Variants in OSGEPL1 observed in about 807,000 individuals in gnomAD.
The protein encoded by OSGEPL1 is tRNA N6-adenosine threonylcarbamoyltransferase, mitochondrial.
A neutral mutation model predicts 37.2 loss-of-function variants in OSGEPL1; 26 were observed. The observed-to-expected ratio is 0.70, with a 90% CI of 0.51 to 0.97. The LOEUF (loss-of-function observed/expected upper bound fraction) is 0.97. Ranked by LOEUF, OSGEPL1 falls within the 50% of genes least tolerant of loss-of-function variation. OSGEPL1 has a pLI of 0.00. For missense variants in OSGEPL1, 404 were observed against 487.0 expected (o/e 0.83, Z 1.60); for synonymous variants, 140 against 159.9 (o/e 0.88, Z 0.94).
intron 8 of OSGEPL1, among the ~76,000 whole-genome samples, chr2:189,749,244 T>TTAA (rs757098359): frequency 3.2e-5 from 2 of 63,254 alleles, no homozygotes; most frequent in Non-Finnish European, 5.4e-5. Context: ...AGACTCTGTC[T>TTAA]AAAAAAAAAA....
Position 189,746,765 on chromosome 2 carries a change from C to A in OSGEPL1, c.*432G>T. ...TTGATCTCGATACTAAGCAGATTTT[C>A]CTTAGCATGTCTACAGGAATTTAGT... On this transcript the variant is annotated 3_prime_UTR_variant, in exon 9 of 9. Coordinates refer to ENST00000264151, the MANE Select transcript of OSGEPL1 (RefSeq NM_022353.3). 1 of 989,954 alleles carries A rather than the reference C, an allele frequency of 1.0e-6. No individual in the cohort carries two copies. The highest frequency in any genetic ancestry group is 1.4e-6 in the Non-Finnish European group (1 of 710,660). 61.3% of individuals were successfully genotyped at this position (989,954 alleles called of 1,614,324 possible). A position where few individuals can be genotyped will look rare whatever the true frequency, so the allele number is the denominator to read the frequency against.
Position 189,754,358 on chromosome 2 carries a change from C to T in OSGEPL1, c.610-13G>A, listed in dbSNP as rs1439102677. 6.3e-7 allele frequency: 1 copy of T among 1,581,112 alleles called. No homozygotes were observed. Among genetic ancestry groups the T allele is most frequent in the Non-Finnish European group, 8.6e-7 (1 of 1,163,848 alleles). On this transcript the variant is annotated splice_polypyrimidine_tract_variant and intron_variant, in intron 3 of 8. Coordinates refer to ENST00000264151, the MANE Select transcript of OSGEPL1 (RefSeq NM_022353.3). ...GTCTTCTTGCCACCTATCAAAGAAACATATTTTTTAGAGTCATAAAATTAA... is the reference window on the plus strand; with the variant it reads ...GTCTTCTTGCCACCTATCAAAGAAATATATTTTTTAGAGTCATAAAATTAA...
intron 2 of OSGEPL1, among the ~76,000 whole-genome samples, chr2:189,757,368 A>G (rs1252698958): frequency 6.6e-6 from 1 of 152,212 alleles, no homozygotes; most frequent in Non-Finnish European, 1.5e-5. Context: ...GTAATCCTCT[A>G]TTATTGCATT....
chr2:189,753,024 G>A, intron 5 of OSGEPL1, 45 bp from the exon 6 acceptor site: 1 of 1,513,962 alleles, frequency 6.6e-7, no homozygotes, highest in Non-Finnish European at 8.9e-7. Context: ...ATATGGATAT[G>A]AACCAAGCTG....
At chr2:189,751,867 C>T (rs577702194) in intron 7 of OSGEPL1, among the ~76,000 whole-genome samples, 2 of 151,628 alleles carry the variant, frequency 1.3e-5, no homozygotes, top group African/African-American at 4.8e-5. Flanking sequence ...AAAAACCAGC[C>T]AGGTGTGGTG....
Position 189,746,771 on chromosome 2 carries a change from C to T in OSGEPL1, c.*426G>A, listed in dbSNP as rs1052366953. The T allele has an allele frequency of 6.3e-6, 6 of 947,830 alleles. No homozygotes were observed. Among genetic ancestry groups the T allele is most frequent in the Non-Finnish European group, 7.4e-6 (5 of 673,960 alleles). The allele number at this position is 947,830 out of a possible 1,614,324, so 58.7% of individuals were successfully genotyped here. On this transcript the variant is annotated 3_prime_UTR_variant, in exon 9 of 9. Transcript: ENST00000264151. ...TCGATACTAAGCAGATTTTCCTTAG[C>T]ATGTCTACAGGAATTTAGTGTCAGG... is the stretch of plus-strand genomic sequence containing the variant.
Position 189,755,354 on chromosome 2 carries a change from A to G in OSGEPL1, c.428T>C (p.Ile143Thr), listed in dbSNP as rs759510597. The G allele has an allele frequency of 9.9e-6, 16 of 1,613,494 alleles. No individual in the cohort carries two copies. The highest frequency in any genetic ancestry group is 7.6e-6 in the Non-Finnish European group (9 of 1,179,724). ...ATGAGCCTCCATATGATGAATGGGA[A>G]TGAATGGCTTTTTTAACTGTCCTAC... ...QLVGQLKKPFIPIHHMEAHAL... is the reference protein window; with the variant it reads ...QLVGQLKKPFTPIHHMEAHAL... Residue 143 changes from isoleucine to threonine, a missense_variant, in exon 3 of 9, where the codon ATT (isoleucine) becomes ACT (threonine). Ile to Thr is a moderately conservative substitution (Grantham distance 89). Transcript: ENST00000264151.
chr2:189,753,990 G>C lies in OSGEPL1; in HGVS notation c.889C>G (p.Leu297Val). The change falls in exon 5 of 9, where the codon CTT (leucine) becomes GTT (valine). Residue 297 changes from leucine to valine, a missense_variant. Coordinates refer to ENST00000264151, the MANE Select transcript of OSGEPL1 (RefSeq NM_022353.3). ...ATVQHTMACH[L>V]VKRTHRAILF... The stretch of plus-strand genomic sequence containing the variant: ...ATAGCCCGATGTGTTCTTTTCACAA[G>C]ATGACATGCCATTGTGTGCTGTACT... 1 of 1,613,748 alleles carries C rather than the reference G, an allele frequency of 6.2e-7. No individual in the cohort carries two copies. The highest frequency in any genetic ancestry group is 8.5e-7 in the Non-Finnish European group (1 of 1,179,812).
At chr2:189,762,458 C>T in intron 1 of OSGEPL1, 10 of 476,434 alleles carry the variant, frequency 2.1e-5, no homozygotes, top group Non-Finnish European at 2.7e-5. Context: ...CAGTGCAGCC[C>T]AGACAGACAC....
intron 2 of OSGEPL1, among the ~76,000 whole-genome samples, chr2:189,757,231 G>T (rs1442923710): frequency 6.6e-6 from 1 of 152,170 alleles, no homozygotes; most frequent in Admixed American, 6.5e-5. Context: ...GGAGAGGAAA[G>T]TTGCAAAAAA....
Position 189,753,976 on chromosome 2 carries a change from TG to T in OSGEPL1, c.902del (p.Thr301AsnfsTer40). The T allele has an allele frequency of 1.2e-6, 2 of 1,613,854 alleles. No individual in the cohort carries two copies. The highest frequency in any genetic ancestry group is 1.7e-6 in the Non-Finnish European group (2 of 1,179,822). On this transcript the variant is annotated frameshift_variant, in exon 5 of 9. Transcript: ENST00000264151. LOFTEE classifies it high-confidence loss of function. Reference protein sequence around the residue: ...HTMACHLVKRTHRAILFCKQR... With the variant: ...HTMACHLVKRXHRAILFCKQR... Reference sequence around the variant, plus strand: ...GCTTACAAAACAGAATAGCCCGATGTGTTCTTTTCACAAGATGACATGCCAT... The same window carrying T: ...GCTTACAAAACAGAATAGCCCGATGTTTCTTTTCACAAGATGACATGCCAT...
Position 189,753,980 on chromosome 2 carries a change from C to T in OSGEPL1, c.899G>A (p.Arg300Lys), listed in dbSNP as rs375298964. The T allele has an allele frequency of 7.4e-6, 12 of 1,613,772 alleles. No individual in the cohort carries two copies. Among genetic ancestry groups the T allele is most frequent in the Non-Finnish European group, 1.0e-5 (12 of 1,179,804 alleles). The change falls in exon 5 of 9, where the codon AGA becomes AAA. Residue 300 changes from arginine to lysine, a missense_variant. Physicochemically the swap from Arg to Lys is conservative, Grantham distance 26. Transcript: ENST00000264151. ...QHTMACHLVK[R>K]THRAILFCKQ... ...ACAAAACAGAATAGCCCGATGTGTT[C>T]TTTTCACAAGATGACATGCCATTGT...
intron 3 of OSGEPL1, 63 bp downstream of exon 3, chr2:189,755,110 A>T (rs1559168589): frequency 2.6e-6 from 4 of 1,532,486 alleles, no homozygotes; most frequent in Non-Finnish European, 3.5e-6. Context: ...TAGCACATCT[A>T]TTGCTACTTA....
chr2:189,761,761 G>A, intron 1 of OSGEPL1, 101 bp from the exon 2 acceptor site: 1 of 1,249,964 alleles, frequency 8.0e-7, no homozygotes, highest in Non-Finnish European at 1.1e-6. Context: ...GTTTGTAAAA[G>A]TCACCAAAAG....
At chr2:189,753,821 A>C in intron 5 of OSGEPL1, 95 bp downstream of exon 5, 1 of 1,313,212 alleles carries the variant, frequency 7.6e-7, no homozygotes, top group Non-Finnish European at 1.0e-6. Flanking sequence ...ATAAGGCATA[A>C]AGATCTGTTC....
At chr2:189,754,391 G>A (rs1248181190) in intron 3 of OSGEPL1, 46 bp from the exon 4 acceptor site, 1 of 1,476,412 alleles carries the variant, frequency 6.8e-7, no homozygotes, top group Non-Finnish European at 9.1e-7. Context: ...TAAATACTGT[G>A]AAACGAAAAG....
intron 2 of OSGEPL1, among the ~76,000 whole-genome samples, chr2:189,756,522 T>A (rs1198659866): frequency 2.6e-5 from 4 of 152,222 alleles, no homozygotes; most frequent in African/African-American, 9.6e-5. Flanking sequence ...AATTAAAATA[T>A]TGTTTCAGGC....
intron 8 of OSGEPL1, among the ~76,000 whole-genome samples, chr2:189,748,390 A>G (rs1400540517): frequency 6.6e-6 from 1 of 152,130 alleles, no homozygotes. Flanking sequence ...ACAGGCGTGT[A>G]GCCCTAGCTA....
rs923443564 is a variant in OSGEPL1, at chr2:189,761,784, A to G, written c.-20-124T>C. 7 of 916,526 alleles carry G rather than the reference A, an allele frequency of 7.6e-6. No individual in the cohort carries two copies. The African/African-American group carries it at 1.2e-4, about 16-fold the overall frequency. The allele number at this position is 916,526 out of a possible 1,614,324, so 56.8% of individuals were successfully genotyped here. ...AAGTCACCAAAAGTTTGTAAAGGCT[A>G]TAGCAACATGGGAATATAAATAATA... is the stretch of plus-strand genomic sequence containing the variant. On this transcript the variant is annotated intron_variant, in intron 1 of 8. Coordinates refer to ENST00000264151, the MANE Select transcript of OSGEPL1 (RefSeq NM_022353.3).
Sources: gnomAD v4.1 joint callset for allele counts (sites outside exome capture counted in the v4.1 genomes callset) on GRCh38, gnomAD v4.1.1 for gene constraint, MANE v1.5 for transcripts, NCBI Gene and HGNC (gene_info 2026-07-23, HGNC 2026-07-21) for gene names.